Variants in ITFG2 observed in about 807,000 individuals in gnomAD.
ITFG2 encodes integrin alpha FG-GAP repeat containing 2, also known as KICSTOR complex protein ITFG2.
ITFG2 carries 36 observed loss-of-function variants against 54.4 expected under a neutral mutation model. That is an observed-to-expected ratio of 0.66 (90% CI 0.51 to 0.87). The LOEUF is 0.87. Among genes scored for constraint, ITFG2 ranks in the 40% least tolerant of loss-of-function variants. ITFG2 has a pLI of 0.00. For synonymous variants in ITFG2, 211 were observed against 225.4 expected (o/e 0.94, Z 0.57); for missense variants, 524 against 576.7 (o/e 0.91, Z 0.94).
intron 7 of ITFG2, 79 bp from the exon 8 acceptor site, chr12:2,821,464 T>A: frequency 6.4e-7 from 1 of 1,569,530 alleles, no homozygotes; most frequent in South Asian, 1.1e-5. Flanking sequence ...GTCCTTCCCC[T>A]GCTGCTGCAG....
chr12:2,858,958 C>G (rs1202581103), intron 3 of ITFG2: 2 of 1,613,392 alleles, frequency 1.2e-6, no homozygotes, highest in Non-Finnish European at 1.7e-6. Context: ...GTGCTGAGAT[C>G]CATCAGCCCC....
chr12:2,849,611 G>A, intron 2 of ITFG2: 1 of 1,437,144 alleles, frequency 7.0e-7, no homozygotes, highest in South Asian at 1.3e-5. Context: ...GAAGGGTGAT[G>A]CCGCTGTCCA....
At chr12:2,835,246 C>T (rs373853817), upstream of ITFG2, 39 of 977,626 alleles carry the variant, frequency 4.0e-5, no homozygotes, top group East Asian at 7.0e-4. Flanking sequence ...TCAGGGTGCC[C>T]GTGCCAGGTG....
chr12:2,835,029 A>G (rs1461315407), upstream of ITFG2: 1 of 1,491,280 alleles, frequency 6.7e-7, no homozygotes, highest in Non-Finnish European at 8.9e-7. Flanking sequence ...ATTGCTGTAG[A>G]GGGAGTGAGA....
intron 2 of ITFG2, among the ~76,000 whole-genome samples, chr12:2,856,373 T>C (rs2098087294): frequency 1.3e-5 from 2 of 152,168 alleles, no homozygotes; most frequent in Admixed American, 6.5e-5. Flanking sequence ...CAGGGATGTT[T>C]TCTTTTTTTA....
downstream of ITFG2, chr12:2,830,957 A>ACC (rs71441693): frequency 2.6e-6 from 3 of 1,166,800 alleles, no homozygotes; most frequent in Admixed American, 2.9e-5. Flanking sequence ...TGCTCCCCCC[A>ACC]CCCCCCCAGC....
intron 2 of ITFG2, chr12:2,855,558 C>T: frequency 2.5e-6 from 2 of 814,254 alleles, no homozygotes; most frequent in Non-Finnish European, 3.5e-6. Flanking sequence ...GCCCAGGATT[C>T]TCATGAGGAC....
chr12:2,822,956 G>C, intron 10 of ITFG2, 45 bp downstream of exon 10: 2 of 1,448,580 alleles, frequency 1.4e-6, no homozygotes, highest in Non-Finnish European at 1.9e-6. Context: ...ACTTAAGTTA[G>C]ATAGGCGTGT....
At chr12:2,849,150 G>A in intron 2 of ITFG2, 1 of 1,399,302 alleles carries the variant, frequency 7.1e-7, no homozygotes, top group Non-Finnish European at 9.4e-7. Context: ...CTACCCCAGG[G>A]CCTCTTGCTG....
intron 3 of ITFG2, chr12:2,858,730 T>C (rs2098098418): frequency 6.2e-7 from 1 of 1,614,210 alleles, no homozygotes; most frequent in Middle Eastern, 1.6e-4. Context: ...TCCAGCAGGA[T>C]CTTGCTGAGG....
chr12:2,854,933 C>T (rs1175430095), intron 2 of ITFG2: 3 of 1,535,950 alleles, frequency 2.0e-6, no homozygotes, highest in East Asian at 4.9e-5. Context: ...TTGCCCTGGG[C>T]ATCGAGTGGG....
intron 2 of ITFG2, chr12:2,855,311 A>G (rs1192200049): frequency 1.3e-6 from 2 of 1,522,458 alleles, no homozygotes; most frequent in Non-Finnish European, 1.8e-6. Flanking sequence ...ATATCTGTGC[A>G]GGGCGGCAGC....
chr12:2,827,361 T>TC, downstream of ITFG2: 1 of 1,556,954 alleles, frequency 6.4e-7, no homozygotes, highest in East Asian at 2.3e-5. The surrounding 1 kb of genome is among the most constrained non-coding windows in gnomAD (Gnocchi z 4.0). Flanking sequence ...CCCGGCCTGC[T>TC]CCTTTTGTTC....
intron 1 of ITFG2, among the ~76,000 whole-genome samples, chr12:2,838,288 AT>A (rs2098033296): frequency 6.6e-6 from 1 of 152,200 alleles, no homozygotes; most frequent in African/African-American, 2.4e-5. Flanking sequence ...TTAGCAATTC[AT>A]TCCTTTGGTT....
downstream of ITFG2, chr12:2,828,228 T>C (rs866237325): frequency 4.1e-6 from 5 of 1,207,190 alleles, no homozygotes; most frequent in Middle Eastern, 2.0e-4. Context: ...ACAGCTTTAT[T>C]GAGATAAAAT....
At chr12:2,830,853 CGCG>C in exon 3 of ITFG2, 1 of 1,612,508 alleles carries the variant, frequency 6.2e-7, no homozygotes, top group South Asian at 1.1e-5. Context: ...GATCACACTG[CGCG>C]GCTGCTGGCT....
chr12:2,849,470 G>A (rs1251991044), intron 2 of ITFG2: 4 of 1,536,182 alleles, frequency 2.6e-6, no homozygotes, highest in Non-Finnish European at 2.6e-6. Flanking sequence ...AACGGGTTGG[G>A]CATGAGCTGG....
At chr12:2,829,119 G>A (rs932935083), downstream of ITFG2, among the ~76,000 whole-genome samples, 7 of 152,124 alleles carry the variant, frequency 4.6e-5, no homozygotes, top group Admixed American at 1.3e-4. Flanking sequence ...ATGGAGAAAC[G>A]GTGATTTGTT....
Position 2,812,746 on chromosome 12 carries a change from G to C in ITFG2, c.-15G>C, listed in dbSNP as rs958242276. Reference sequence around the variant, plus strand: ...TTTACTGGGCCTCTCCGCTCCCTCTGCTCTTGGAGGTGCCATGAGGTCAGT... The same window carrying C: ...TTTACTGGGCCTCTCCGCTCCCTCTCCTCTTGGAGGTGCCATGAGGTCAGT... On this transcript the variant is annotated 5_prime_UTR_variant, in exon 1 of 12. Transcript: ENST00000228799. The C allele has an allele frequency of 6.3e-7, 1 of 1,596,804 alleles. No homozygotes were observed. Among genetic ancestry groups the C allele is most frequent in the East Asian group, 2.3e-5 (1 of 44,320 alleles).
Sources: gnomAD v4.1 joint callset for allele counts (sites outside exome capture counted in the v4.1 genomes callset) on GRCh38, gnomAD v4.1.1 for gene constraint, Gnocchi (gnomAD v3.1) non-coding constraint, MANE v1.5 for transcripts, NCBI Gene and HGNC (gene_info 2026-07-23, HGNC 2026-07-21) for gene names.